The following TMIGD3 variants were observed in gnomAD, a reference collection of about 807,000 sequenced individuals.
TMIGD3 encodes the protein AD026 protein (AD026).
TMIGD3 carries 21 observed loss-of-function variants against 28.1 expected under a neutral mutation model. That is an observed-to-expected ratio of 0.75 (90% confidence interval 0.53 to 1.08). The LOEUF (loss-of-function observed/expected upper bound fraction) is 1.08, where lower values mean the gene tolerates loss of function less well. TMIGD3 is among the 50% of genes least tolerant of loss of function. The pLI is 0.00. For synonymous variants in TMIGD3, 151 were observed against 162.1 expected, an observed-to-expected ratio of 0.93 and a Z score of 0.52; for missense variants, 416 against 435.6, an observed-to-expected ratio of 0.96 and a Z score of 0.40.
rs61788193 is a variant in TMIGD3, at chr1:111,514,830, T to C, written c.108-24068A>G. 3.6e-3 allele frequency among the ~76,000 whole-genome samples: 554 copies of C among 152,270 alleles called. 1 individual carries two copies. The highest frequency in any genetic ancestry group is 6.3e-3 in the Non-Finnish European group (429 of 68,012). On this transcript the variant is annotated intron_variant, in intron 1 of 5. Transcript: ENST00000369717. ...ACTAGCACATCCTCTAATCTTTCATTAACCTTGGAATACTCTTGTCAGAGG... is the reference window on the plus strand; with the variant it reads ...ACTAGCACATCCTCTAATCTTTCATCAACCTTGGAATACTCTTGTCAGAGG...
chr1:111,518,428 C>A (rs1045657080), intron 1 of TMIGD3, among the ~76,000 whole-genome samples: 1 of 152,220 alleles, frequency 6.6e-6, no homozygotes, highest in African/African-American at 2.4e-5. Flanking sequence ...TTAGCAGTAA[C>A]CATGGCTTCT....
chr1:111,519,466 A>G (rs979686939), intron 1 of TMIGD3, among the ~76,000 whole-genome samples: 1 of 152,202 alleles, frequency 6.6e-6, no homozygotes, highest in African/African-American at 2.4e-5. Flanking sequence ...TTTTGGTTCC[A>G]GATTAATTTA....
chr1:111,553,325 A>G (rs1253942159), intron 1 of TMIGD3, among the ~76,000 whole-genome samples: 1 of 152,238 alleles, frequency 6.6e-6, no homozygotes, highest in African/African-American at 2.4e-5. Context: ...CATGACATAT[A>G]CAGCATTGAT....
chr1:111,524,653 T>G (rs1656202037), intron 1 of TMIGD3, among the ~76,000 whole-genome samples: 1 of 152,184 alleles, frequency 6.6e-6, no homozygotes, highest in Non-Finnish European at 1.5e-5. Context: ...ACAATTTCAC[T>G]CTGTCGCCCA....
intron 1 of TMIGD3, among the ~76,000 whole-genome samples, chr1:111,519,796 G>T (rs979195009): frequency 6.6e-6 from 1 of 151,686 alleles, no homozygotes; most frequent in African/African-American, 2.4e-5. Flanking sequence ...AGGTTGAAGT[G>T]ATTGTCCTCC....
At chr1:111,537,121 T>G (rs1656664902) in intron 1 of TMIGD3, among the ~76,000 whole-genome samples, 1 of 152,196 alleles carries the variant, frequency 6.6e-6, no homozygotes, top group Non-Finnish European at 1.5e-5. Context: ...GAAACTGCAC[T>G]CATCCTTCAA....
At chr1:111,560,145 G>T (rs1657670752) in intron 1 of TMIGD3, among the ~76,000 whole-genome samples, 2 of 152,188 alleles carry the variant, frequency 1.3e-5, no homozygotes, top group Admixed American at 1.3e-4. Flanking sequence ...TGACAAAATT[G>T]TCTAGCATTC....
intron 1 of TMIGD3, among the ~76,000 whole-genome samples, chr1:111,549,357 A>G (rs2800897): frequency 0.54 from 78,931 of 147,444 alleles, 21,339 homozygotes; most frequent in Middle Eastern, 0.61. Context: ...CCCCTTTTAA[A>G]ACATGGTCGG....
chr1:111,538,686 T>A (rs1656721171), intron 1 of TMIGD3, among the ~76,000 whole-genome samples: 1 of 152,178 alleles, frequency 6.6e-6, no homozygotes, highest in East Asian at 1.9e-4. Flanking sequence ...TTCTCAAGAA[T>A]TCGAGAATTG....
Position 111,540,446 on chromosome 1 carries a change from T to C in TMIGD3, c.107+23400A>G, listed in dbSNP as rs1208394520. ...TCTAACTCTTGAGCCGGGGAGTATT[T>C]AGCTCCAAGACAAAGTGTGCCAGCT... On this transcript the variant is annotated intron_variant, in intron 1 of 5. Coordinates refer to the TMIGD3 transcript ENST00000369717. 2.0e-5 allele frequency among the ~76,000 whole-genome samples: 3 copies of C among 152,222 alleles called. No individual in the cohort carries two copies. The East Asian group carries it at 5.8e-4, about 29-fold the overall frequency.
intron 1 of TMIGD3, among the ~76,000 whole-genome samples, chr1:111,491,079 A>G (rs1234357655): frequency 6.6e-6 from 1 of 152,252 alleles, no homozygotes; most frequent in Non-Finnish European, 1.5e-5. Flanking sequence ...TGGTCCTGGC[A>G]TCATCAGAGG....
intron 1 of TMIGD3, among the ~76,000 whole-genome samples, chr1:111,494,926 G>A (rs755397284): frequency 2.0e-4 from 31 of 152,204 alleles, no homozygotes; most frequent in Non-Finnish European, 2.9e-4. Flanking sequence ...ATGGTGCTAG[G>A]ATAACTGGCT....
At chr1:111,497,806 T>C (rs1202121464) in intron 1 of TMIGD3, among the ~76,000 whole-genome samples, 2 of 152,152 alleles carry the variant, frequency 1.3e-5, no homozygotes, top group Non-Finnish European at 1.5e-5. Flanking sequence ...TTAAATCAAG[T>C]TTTAAAAAAC....
At chr1:111,528,488 T>C (rs1423463856) in intron 1 of TMIGD3, among the ~76,000 whole-genome samples, 2 of 152,216 alleles carry the variant, frequency 1.3e-5, no homozygotes, top group Non-Finnish European at 2.9e-5. Flanking sequence ...TCGTGTTGGC[T>C]ATTCTGGGTT....
At chr1:111,521,032 A>T (rs950339682) in intron 1 of TMIGD3, among the ~76,000 whole-genome samples, 1 of 147,658 alleles carries the variant, frequency 6.8e-6, no homozygotes, top group Non-Finnish European at 1.5e-5. Flanking sequence ...CTATCCCCTA[A>T]CTATTGATCT....
rs77740170 is a variant in TMIGD3, at chr1:111,528,937, A to G, written c.107+34909T>C. ...TCCTGTTTATTCTTTGGAATTTTCT[A>G]TAATCATGTCATTTGCAAAAACAGA... On this transcript the variant is annotated intron_variant, in intron 1 of 5. Transcript: ENST00000369717. 8.4e-3 allele frequency among the ~76,000 whole-genome samples: 1,278 copies of G among 152,098 alleles called. 16 individuals carry two copies. Among genetic ancestry groups the G allele is most frequent in the South Asian group, 0.05 (242 of 4,828 alleles).
rs1655353640 is a variant in TMIGD3 at position 111,503,346 on chromosome 1, G to T, written c.9C>A (p.Asn3Lys). Reference sequence around the variant, plus strand: ...TGGCCAATGACAGAGCAGTGCTGTTGTTGGGCATCTTGCCTTCCCAGGGGA... The same window carrying T: ...TGGCCAATGACAGAGCAGTGCTGTTTTTGGGCATCTTGCCTTCCCAGGGGA... MP[N>K]NSTALSLANV... Residue 3 changes from asparagine to lysine, a missense_variant, in exon 1 of 6, where the codon AAC (asparagine) becomes AAA (lysine). By Grantham distance (94) the Asn-to-Lys change is moderately conservative. Transcript: ENST00000369716. 1.9e-6 allele frequency: 3 copies of T among 1,609,072 alleles called. No homozygotes were observed. The highest frequency in any genetic ancestry group is 2.6e-6 in the Non-Finnish European group (3 of 1,176,290).
intron 1 of TMIGD3, among the ~76,000 whole-genome samples, chr1:111,510,971 C>T (rs927456239): frequency 6.6e-6 from 1 of 152,158 alleles, no homozygotes; most frequent in African/African-American, 2.4e-5. Context: ...CTCACGGGCA[C>T]CCACATCCAG....
At chr1:111,550,418 A>G (rs776266377) in intron 1 of TMIGD3, among the ~76,000 whole-genome samples, 1 of 151,964 alleles carries the variant, frequency 6.6e-6, no homozygotes, top group African/African-American at 2.4e-5. Context: ...ATGGAAGATC[A>G]TGTTGTTGAT....
Sources: gnomAD v4.1 joint callset for allele counts (sites outside exome capture counted in the v4.1 genomes callset) on GRCh38, gnomAD v4.1.1 for gene constraint, MANE v1.5 for transcripts, NCBI Gene and HGNC (gene_info 2026-07-23, HGNC 2026-07-21) for gene names.